The following TEFM variants were observed in gnomAD, a reference collection of about 807,000 sequenced individuals.
TEFM encodes the protein transcription elongation factor of mitochondria.
TEFM carries 14 observed loss-of-function variants against 23.0 expected under a neutral mutation model. The observed-to-expected ratio is 0.61, with a 90% CI of 0.40 to 0.95. TEFM has a LOEUF of 0.95. Among genes scored for constraint, TEFM ranks in the 40% least tolerant of loss-of-function variants. The pLI is 0.00. For synonymous variants in TEFM, 155 were observed against 158.3 expected (o/e 0.98, Z 0.16); for missense variants, 386 against 425.5 (o/e 0.91, Z 0.82).
In TEFM at chr17:30,899,567, A is replaced by G; in HGVS notation, c.685T>C (p.Tyr229His). 4 of 1,584,864 alleles carry G rather than the reference A, an allele frequency of 2.5e-6. No individual in the cohort carries two copies. The highest frequency in any genetic ancestry group is 3.4e-6 in the Non-Finnish European group (4 of 1,164,598). Reference sequence around the variant, plus strand: ...GAAAGTCCTGTTTTTTCCAGAACATAGAAATCTGCTTTAGGCATCTTTGAA... The same window carrying G: ...GAAAGTCCTGTTTTTTCCAGAACATGGAAATCTGCTTTAGGCATCTTTGAA... Reference protein sequence around the residue: ...IISKMPKADFYVLEKTGLSIQ... With the variant: ...IISKMPKADFHVLEKTGLSIQ... Residue 229 changes from tyrosine (Y) to histidine (H), a missense_variant, in exon 4 of 4, where the codon TAT becomes CAT. Tyr to His is a moderately conservative substitution (Grantham distance 83). Coordinates refer to ENST00000581216, the MANE Select transcript of TEFM (RefSeq NM_024683.4).
rs1400095033 is a variant in TEFM, at chr17:30,904,130, T to C, written c.431A>G (p.Lys144Arg). Residue 144 changes from lysine (K) to arginine (R), a missense_variant, in exon 2 of 4, where the codon AAG becomes AGG. Physicochemically the swap from Lys to Arg is conservative, Grantham distance 26. Coordinates refer to ENST00000581216, the MANE Select transcript of TEFM (RefSeq NM_024683.4). ...LCPKTGREKRKSPENRFLRKL... is the reference protein window; with the variant it reads ...LCPKTGREKRRSPENRFLRKL... ...TCTCAGGAACCGGTTTTCCGGTGAC[T>C]TTCTTTTTTCCCGTCCAGTCTTTGG... The C allele has an allele frequency of 6.2e-7, 1 of 1,614,020 alleles. No individual in the cohort carries two copies. The highest frequency in any genetic ancestry group is 2.2e-5 in the East Asian group (1 of 44,902).
rs1410846145 is a variant in TEFM at position 30,904,083 on chromosome 17, C to G, written c.478G>C (p.Glu160Gln). Residue 160 changes from glutamate to glutamine, a missense_variant, in exon 2 of 4, where the codon GAA becomes CAA. Glu to Gln is a conservative substitution (Grantham distance 29). Coordinates refer to ENST00000581216, the MANE Select transcript of TEFM (RefSeq NM_024683.4). The part of the protein sequence containing the change: ...FLRKLLKPDI[E>Q]RERLKAVNSI... ...GAATATACCTTAAGTCTTTCTCTTT[C>G]TATGTCTGGTTTGAGGAGCTTTCTC... is the stretch of plus-strand genomic sequence containing the variant. 6.2e-7 allele frequency: 1 copy of G among 1,613,398 alleles called. No homozygotes were observed. The highest frequency in any genetic ancestry group is 8.5e-7 in the Non-Finnish European group (1 of 1,179,692).
intron 1 of TEFM, among the ~76,000 whole-genome samples, chr17:30,905,304 T>C (rs1910142527): frequency 6.6e-6 from 1 of 152,104 alleles, no homozygotes; most frequent in African/African-American, 2.4e-5. Flanking sequence ...GCGGATCACC[T>C]GAGGTCGGGA....
chr17:30,902,183 T>C (rs1214259827), intron 2 of TEFM, among the ~76,000 whole-genome samples: 3 of 152,236 alleles, frequency 2.0e-5, no homozygotes, highest in Non-Finnish European at 4.4e-5. Context: ...CACTTAGTTA[T>C]ATTAACAAAC....
intron 2 of TEFM, among the ~76,000 whole-genome samples, chr17:30,901,697 C>T (rs1162419696): frequency 2.0e-5 from 3 of 152,100 alleles, no homozygotes; most frequent in Non-Finnish European, 2.9e-5. Flanking sequence ...CTGAGTGCTA[C>T]AGGGGCCACT....
In TEFM at chr17:30,904,335, C is replaced by A. The variant is rs574385018; in HGVS notation, c.226G>T (p.Val76Leu). Residue 76 changes from valine (V) to leucine (L), a missense_variant, in exon 2 of 4, where the codon GTG (valine) becomes TTG (leucine). By Grantham distance (32) the Val-to-Leu change is conservative (BLOSUM62 1). Transcript: ENST00000581216. The stretch of plus-strand genomic sequence containing the variant: ...TCTTTAGTAGATGCTGTATTCAACA[C>A]ATGCAAGATGGAAGCCTGCTGTTCT... ...SSEQQASILHVLNTASTKELE... is the reference protein window; with the variant it reads ...SSEQQASILHLLNTASTKELE... The A allele has an allele frequency of 6.2e-7, 1 of 1,614,238 alleles. No individual in the cohort carries two copies. The highest frequency in any genetic ancestry group is 1.7e-5 in the Admixed American group (1 of 60,022).
At chr17:30,901,992 G>A (rs1910056097) in intron 2 of TEFM, among the ~76,000 whole-genome samples, 1 of 152,200 alleles carries the variant, frequency 6.6e-6, no homozygotes, top group South Asian at 2.1e-4. Flanking sequence ...ACATGACCTA[G>A]GGAAGGTGGG....
chr17:30,904,978 C>T (rs1910136137), intron 1 of TEFM, among the ~76,000 whole-genome samples: 1 of 151,674 alleles, frequency 6.6e-6, no homozygotes. Flanking sequence ...GTGCCCGGCC[C>T]GAGAATCATC....
At chr17:30,902,705 A>G (rs1910068739) in intron 2 of TEFM, among the ~76,000 whole-genome samples, 1 of 152,156 alleles carries the variant, frequency 6.6e-6, no homozygotes, top group African/African-American at 2.4e-5. Context: ...GAGGGTCCAC[A>G]GCTTTCATCA....
In TEFM at chr17:30,899,244, T is replaced by C. The variant is rs774696690; in HGVS notation, c.1008A>G (p.Arg336=). 7.4e-6 allele frequency: 12 copies of C among 1,614,030 alleles called. No homozygotes were observed. In the African/African-American group the frequency reaches 1.6e-4, roughly 22 times the overall value. The change falls in exon 4 of 4, where the codon AGA becomes AGG. Residue 336 remains arginine (R), a synonymous_variant. Coordinates refer to ENST00000581216, the MANE Select transcript of TEFM (RefSeq NM_024683.4). ...ATAATGAATCATAAAGCTCTTCTAC[T>C]CTTTGTAGTTCAGTAGATAAAAACA... ...RQMFLSTELQ[R]VEELYDSLLQ...
In TEFM at chr17:30,906,220, C is replaced by A; in HGVS notation, c.-22G>T. On this transcript the variant is annotated 5_prime_UTR_variant, in exon 1 of 4. Coordinates refer to ENST00000581216, the MANE Select transcript of TEFM (RefSeq NM_024683.4). Reference sequence around the variant, plus strand: ...TCATCTCCAAGTTGAATCAGTAGGTCCAGTCTTCCTCCATTGACTTCCGGT... The same window carrying A: ...TCATCTCCAAGTTGAATCAGTAGGTACAGTCTTCCTCCATTGACTTCCGGT... 2 of 1,614,254 alleles carry A rather than the reference C, an allele frequency of 1.2e-6. No individual in the cohort carries two copies. The highest frequency in any genetic ancestry group is 1.7e-6 in the Non-Finnish European group (2 of 1,180,048).
intron 1 of TEFM, among the ~76,000 whole-genome samples, chr17:30,905,599 TA>T (rs771778749): frequency 6.6e-6 from 1 of 152,098 alleles, no homozygotes; most frequent in Non-Finnish European, 1.5e-5. Context: ...TAAATAAAAT[TA>T]AATTTTGTAC....
At chr17:30,902,950 GGC>G (rs143167747) in intron 2 of TEFM, among the ~76,000 whole-genome samples, 19,880 of 151,596 alleles carry the variant, frequency 0.13, 1,430 homozygotes, top group South Asian at 0.24. Context: ...AGACCATCCT[GGC>G]GCCAACATGG....
At chr17:30,902,851 T>C (rs1383462717) in intron 2 of TEFM, among the ~76,000 whole-genome samples, 2 of 152,156 alleles carry the variant, frequency 1.3e-5, no homozygotes, top group Non-Finnish European at 2.9e-5. Context: ...GTTTAATACT[T>C]GAGTGCTGTG....
Position 30,904,098 on chromosome 17 carries a change from G to A in TEFM, c.463C>T (p.Leu155Phe). 6.2e-7 allele frequency: 1 copy of A among 1,613,890 alleles called. No homozygotes were observed. The highest frequency in any genetic ancestry group is 8.5e-7 in the Non-Finnish European group (1 of 1,179,910). Reference sequence around the variant, plus strand: ...CTTTCTCTTTCTATGTCTGGTTTGAGGAGCTTTCTCAGGAACCGGTTTTCC... The same window carrying A: ...CTTTCTCTTTCTATGTCTGGTTTGAAGAGCTTTCTCAGGAACCGGTTTTCC... ...SPENRFLRKL[L>F]KPDIERERLK... The change falls in exon 2 of 4, where the codon CTC (leucine) becomes TTC (phenylalanine). Residue 155 changes from leucine (L) to phenylalanine (F), a missense_variant. By Grantham distance (22) the Leu-to-Phe change is conservative (BLOSUM62 0). Transcript: ENST00000581216.
In TEFM at chr17:30,899,360, C is replaced by G. The variant is rs1376490814; in HGVS notation, c.892G>C (p.Glu298Gln). 1.2e-6 allele frequency: 2 copies of G among 1,614,084 alleles called. No individual in the cohort carries two copies. The highest frequency in any genetic ancestry group is 1.7e-6 in the Non-Finnish European group (2 of 1,180,040). ...TCGAAGAGAAACTGCTTCACTAGCT[C>G]TTTTCCACTAGTCCGGGAGTCACCA... ...MIGDSRTSGK[E>Q]LVKQFLFDSI... The change falls in exon 4 of 4, where the codon GAG becomes CAG. Residue 298 changes from glutamate to glutamine, a missense_variant. Glu to Gln is a conservative substitution (Grantham distance 29). Coordinates refer to ENST00000581216, the MANE Select transcript of TEFM (RefSeq NM_024683.4).
At chr17:30,903,483 C>T (rs1172935872) in intron 2 of TEFM, among the ~76,000 whole-genome samples, 1 of 149,032 alleles carries the variant, frequency 6.7e-6, no homozygotes, top group Non-Finnish European at 1.5e-5. Context: ...CTTTGGCCTC[C>T]CAAAGTGCTG....
chr17:30,905,020 A>G (rs2142477686), intron 1 of TEFM, among the ~76,000 whole-genome samples: 1 of 152,224 alleles, frequency 6.6e-6, no homozygotes, highest in South Asian at 2.1e-4. Flanking sequence ...AAACTATATT[A>G]TATAGAGTTT....
chr17:30,904,440 T>C lies in TEFM; in HGVS notation c.121A>G (p.Lys41Glu), dbSNP rs760127715. ...AAAGTAACATTGGGAGTAATTTTCT[T>C]AGGTGTAGTGGATTTTTTCCGACAG... Reference protein sequence around the residue: ...FCCRKKSTTPKKITPNVTFCD... With the variant: ...FCCRKKSTTPEKITPNVTFCD... Residue 41 changes from lysine to glutamate, a missense_variant, in exon 2 of 4, where the codon AAG (lysine) becomes GAG (glutamate). Transcript: ENST00000581216. The C allele has an allele frequency of 5.0e-6, 8 of 1,614,186 alleles. No individual in the cohort carries two copies. Among genetic ancestry groups the C allele is most frequent in the Admixed American group, 1.7e-5 (1 of 60,006 alleles).
Sources: allele counts gnomAD v4.1 joint callset (sites outside exome capture counted in the v4.1 genomes callset), GRCh38; gene constraint gnomAD v4.1.1; transcripts MANE v1.5; gene names NCBI Gene and HGNC (gene_info 2026-07-23, HGNC 2026-07-21).